The following CDH4 variants were observed in gnomAD, a reference collection of about 807,000 sequenced individuals.
The protein encoded by CDH4 is cadherin-4.
A neutral mutation model predicts 86.0 loss-of-function variants in CDH4; 33 were observed. The ratio of observed to expected loss-of-function variants is 0.38; its 90% confidence interval spans 0.29 to 0.51. The LOEUF is 0.51. CDH4 is among the 20% of genes least tolerant of loss of function. The pLI is 0.86. For synonymous variants in CDH4, 555 were observed against 549.4 expected (o/e 1.01, Z -0.14); for missense variants, 1,114 against 1,307.4 (o/e 0.85, Z 2.28).
chr20:61,271,339 T>A (rs1455301871), intron 2 of CDH4, among the ~76,000 whole-genome samples: 1 of 152,216 alleles, frequency 6.6e-6, no homozygotes, highest in Non-Finnish European at 1.5e-5. Context: ...GTGAGTTAAT[T>A]TCCCAGTGCC....
intron 2 of CDH4, among the ~76,000 whole-genome samples, chr20:61,395,013 A>G (rs778995242): frequency 6.7e-6 from 1 of 150,276 alleles, no homozygotes; most frequent in Non-Finnish European, 1.5e-5. Flanking sequence ...GCTGGAGGTT[A>G]GAGTCTCCTG....
intron 2 of CDH4, among the ~76,000 whole-genome samples, chr20:61,511,148 C>G (rs183453314): frequency 6.6e-6 from 1 of 152,230 alleles, no homozygotes; most frequent in African/African-American, 2.4e-5. Context: ...ATCCAAACTA[C>G]ATCATGAGTG....
rs552940183 is a variant in CDH4 at position 61,708,623 on chromosome 20, G to C, written c.170-34940G>C. On this transcript the variant is annotated intron_variant, in intron 2 of 15. Coordinates refer to ENST00000614565, the MANE Select transcript of CDH4 (RefSeq NM_001794.5). This position sits in a 1 kb window ranked among gnomAD's most constrained non-coding sequence, Gnocchi z 4.5. ...CCTTGTAGACCCTCTCCACCCTCCT[G>C]TGCCTGGAGCCCCTCCCAGACGTTT... 4.7e-4 allele frequency among the ~76,000 whole-genome samples: 72 copies of C among 152,044 alleles called. No individual in the cohort carries two copies. The highest frequency in any genetic ancestry group is 1.6e-3 in the African/African-American group (67 of 41,466).
intron 7 of CDH4, among the ~76,000 whole-genome samples, chr20:61,890,302 A>G (rs372648732): frequency 6.7e-6 from 1 of 150,292 alleles, no homozygotes; most frequent in Admixed American, 6.6e-5. Context: ...AGAAGGGTGG[A>G]TGGATGGATG....
At chr20:61,854,547 T>C (rs60051576) in intron 6 of CDH4, among the ~76,000 whole-genome samples, 36 of 112,938 alleles carry the variant, frequency 3.2e-4, no homozygotes, top group Middle Eastern at 7.4e-3. Context: ...GAATTGTGCC[T>C]TTGGCCCACC....
chr20:61,359,683 G>C (rs562900784), intron 2 of CDH4, among the ~76,000 whole-genome samples: 2 of 152,202 alleles, frequency 1.3e-5, no homozygotes, highest in Non-Finnish European at 2.9e-5. Flanking sequence ...TAGCAAGAAA[G>C]GCAGAGAGGA....
chr20:61,907,087 G>A (rs1432597486), intron 8 of CDH4, among the ~76,000 whole-genome samples: 2 of 151,950 alleles, frequency 1.3e-5, no homozygotes, highest in Non-Finnish European at 2.9e-5. Flanking sequence ...TCTGCCTGGA[G>A]ATGGTCCAAG....
intron 13 of CDH4, among the ~76,000 whole-genome samples, chr20:61,932,366 C>T (rs2055120802): frequency 6.6e-6 from 1 of 152,234 alleles, no homozygotes; most frequent in Admixed American, 6.5e-5. Flanking sequence ...GGGGAGAGGG[C>T]CTGAGCCAGT....
Position 61,829,069 on chromosome 20 carries a change from G to A in CDH4, c.577-15599G>A, listed in dbSNP as rs986319519. 6.6e-5 allele frequency among the ~76,000 whole-genome samples: 10 copies of A among 152,158 alleles called. No individual in the cohort carries two copies. The highest frequency in any genetic ancestry group is 9.7e-5 in the African/African-American group (4 of 41,426). ...ACTGGAGGCTCTGGCAGTCATGCTCGCCCGGCCACCACTCACCTCCAGCTG... is the reference window on the plus strand; with the variant it reads ...ACTGGAGGCTCTGGCAGTCATGCTCACCCGGCCACCACTCACCTCCAGCTG... On this transcript the variant is annotated intron_variant, in intron 4 of 15. Transcript: ENST00000614565. This position sits in a 1 kb window ranked among gnomAD's most constrained non-coding sequence, Gnocchi z 4.2.
At position 61,377,236 on chromosome 20, in the gene CDH4, T is replaced by TG. The variant is rs1246281451; in HGVS notation, c.169+122305dup. 2.0e-5 allele frequency among the ~76,000 whole-genome samples: 3 copies of TG among 152,086 alleles called. No individual in the cohort carries two copies. The highest frequency in any genetic ancestry group is 2.9e-5 in the Non-Finnish European group (2 of 67,992). On this transcript the variant is annotated intron_variant, in intron 2 of 15. Transcript: ENST00000614565. The surrounding 1 kb of genome is among the most constrained non-coding windows in gnomAD (Gnocchi z 4.0). ...AGTTTGCAGAAGTGGAATAGAGGCA[T>TG]GGGGGGCTCTGGTGAGGGGCAGTGG... is the stretch of plus-strand genomic sequence containing the variant.
intron 2 of CDH4, among the ~76,000 whole-genome samples, chr20:61,345,024 T>C (rs1304408422): frequency 6.6e-6 from 1 of 152,196 alleles, no homozygotes; most frequent in Non-Finnish European, 1.5e-5. Context: ...AAGTCCAAGG[T>C]AGAGCTACTT....
At chr20:61,442,363 ACAT>A (rs2085319098) in intron 2 of CDH4, among the ~76,000 whole-genome samples, 1 of 152,210 alleles carries the variant, frequency 6.6e-6, no homozygotes, top group African/African-American at 2.4e-5. Flanking sequence ...TTTTAAACAA[ACAT>A]CATTATTATC....
At chr20:61,358,385 GGGCTCAGGGTCC>G (rs2123314125) in intron 2 of CDH4, among the ~76,000 whole-genome samples, 1 of 152,312 alleles carries the variant, frequency 6.6e-6, no homozygotes, top group East Asian at 1.9e-4. Context: ...CCTCCACGAG[GGGCTCAGGGTCC>G]GGCATGGCCA....
chr20:61,679,201 T>C lies in CDH4; in HGVS notation c.170-64362T>C, dbSNP rs114313864. On this transcript the variant is annotated intron_variant, in intron 2 of 15. Transcript: ENST00000614565. Reference sequence around the variant, plus strand: ...GTTCACACTCAGCGTCCACCTTCCATCTCTGTCTCCTCATGGCCTTCCTTT... The same window carrying C: ...GTTCACACTCAGCGTCCACCTTCCACCTCTGTCTCCTCATGGCCTTCCTTT... Among the ~76,000 whole-genome samples the C allele has an allele frequency of 8.8e-3, 1,336 of 152,272 alleles. 17 individuals are homozygous for C. Among genetic ancestry groups the C allele is most frequent in the African/African-American group, 0.03 (1,241 of 41,540 alleles).
At chr20:61,307,106 T>G (rs1477068516) in intron 2 of CDH4, among the ~76,000 whole-genome samples, 1 of 104,438 alleles carries the variant, frequency 9.6e-6, no homozygotes, top group African/African-American at 2.9e-5. Flanking sequence ...CAGAGGGAGA[T>G]AGCAGCTGCT....
At chr20:61,763,314 A>T (rs969384821) in intron 3 of CDH4, among the ~76,000 whole-genome samples, 1 of 152,154 alleles carries the variant, frequency 6.6e-6, no homozygotes, top group Non-Finnish European at 1.5e-5. Context: ...CTAATAACCC[A>T]TGCTCAGGGA....
intron 2 of CDH4, among the ~76,000 whole-genome samples, chr20:61,339,833 G>A (rs923499448): frequency 1.3e-4 from 20 of 152,198 alleles, no homozygotes; most frequent in African/African-American, 4.8e-4. Context: ...AATTTGAGAG[G>A]ACTCTTCCAC....
At chr20:61,781,074 G>A (rs6142859) in intron 4 of CDH4, among the ~76,000 whole-genome samples, 19,990 of 152,190 alleles carry the variant, frequency 0.13, 1,681 homozygotes, top group East Asian at 0.33. Context: ...GTCAGCAGAC[G>A]GAAAGAACTA....
chr20:61,668,210 T>A (rs984899317), intron 2 of CDH4, among the ~76,000 whole-genome samples: 4 of 152,210 alleles, frequency 2.6e-5, no homozygotes, highest in African/African-American at 9.7e-5. Flanking sequence ...CATGTGTTAG[T>A]GTGTATTTAT....
Sources: gnomAD v4.1 joint callset for allele counts (sites outside exome capture counted in the v4.1 genomes callset) on GRCh38, gnomAD v4.1.1 for gene constraint, Gnocchi (gnomAD v3.1) non-coding constraint, MANE v1.5 for transcripts, NCBI Gene and HGNC (gene_info 2026-07-23, HGNC 2026-07-21) for gene names.